Variants in ADGRL2 observed in about 807,000 individuals in gnomAD.
ADGRL2 encodes adhesion G protein-coupled receptor L2.
In ADGRL2, 44 loss-of-function variants were observed where a neutral mutation model predicts 157.4. That is an observed-to-expected ratio of 0.28 (90% confidence interval 0.22 to 0.36). The LOEUF (loss-of-function observed/expected upper bound fraction) is 0.36. Ranked by LOEUF, ADGRL2 falls within the 10% of genes least tolerant of loss-of-function variation. The pLI is 1.00. For synonymous variants in ADGRL2, 585 were observed against 624.7 expected, an observed-to-expected ratio of 0.94 and a Z score of 0.95; for missense variants, 1,510 against 1,768.9, an observed-to-expected ratio of 0.85 and a Z score of 2.63.
chr1:81,514,579 C>A (rs528321545), intron 2 of ADGRL2: 140 of 152,292 alleles, frequency 9.2e-4, no homozygotes, highest in African/African-American at 3.2e-3. Flanking sequence ...TCCTTCCAAA[C>A]ACTAGAATAT....
chr1:81,316,722 T>C (rs888050410), intron 1 of ADGRL2, among the ~76,000 whole-genome samples: 32 of 152,276 alleles, frequency 2.1e-4, no homozygotes, highest in African/African-American at 7.7e-4. Context: ...AGCTGGATGA[T>C]CATTAAATAT....
At chr1:81,476,291 A>T (rs534161284) in intron 2 of ADGRL2, among the ~76,000 whole-genome samples, 17 of 152,316 alleles carry the variant, frequency 1.1e-4, no homozygotes, top group African/African-American at 4.1e-4. Flanking sequence ...ACCTTAAAAT[A>T]CTGAGAGAAC....
chr1:81,545,670 T>C (rs2079998856), intron 2 of ADGRL2, among the ~76,000 whole-genome samples: 1 of 152,170 alleles, frequency 6.6e-6, no homozygotes, highest in African/African-American at 2.4e-5. Context: ...ATGGGGAGCT[T>C]CAGTTGTTAT....
intron 3 of ADGRL2, among the ~76,000 whole-genome samples, chr1:81,637,837 C>T (rs1414003657): frequency 6.6e-6 from 1 of 151,756 alleles, no homozygotes; most frequent in East Asian, 1.9e-4. Context: ...AACATATTAA[C>T]TTAAAATTCA....
intron 3 of ADGRL2, among the ~76,000 whole-genome samples, chr1:81,604,922 T>G (rs748586996): frequency 5.3e-5 from 8 of 152,160 alleles, no homozygotes; most frequent in Non-Finnish European, 1.2e-4. Flanking sequence ...GAGAAAGATA[T>G]TATGTTTATT....
At position 81,837,031 on chromosome 1, in the gene ADGRL2, T is replaced by A; in HGVS notation, c.47T>A (p.Val16Glu). ...ATGCGAAGTCTGTGGTTTATCATTG[T>A]AATCAGCTTCTTACCAAATACAGAA... Reference protein sequence around the residue: ...CRMRSLWFIIVISFLPNTEGF... With the variant: ...CRMRSLWFIIEISFLPNTEGF... The change falls in exon 2 of 24, where the codon GTA becomes GAA. Residue 16 changes from valine to glutamate, a missense_variant. Val to Glu is a moderately radical substitution (Grantham distance 121). Transcript: ENST00000686636. 6.3e-7 allele frequency: 1 copy of A among 1,593,112 alleles called. No individual in the cohort carries two copies. Among genetic ancestry groups the A allele is most frequent in the Non-Finnish European group, 8.5e-7 (1 of 1,170,936 alleles).
At chr1:81,624,375 G>A (rs1217908954) in intron 3 of ADGRL2, among the ~76,000 whole-genome samples, 1 of 152,018 alleles carries the variant, frequency 6.6e-6, no homozygotes, top group Non-Finnish European at 1.5e-5. Context: ...GAGGCCAGGA[G>A]TTCAAGACCA....
chr1:81,463,129 AAAAAAG>A (rs1266109372), intron 2 of ADGRL2, among the ~76,000 whole-genome samples: 1 of 147,398 alleles, frequency 6.8e-6, no homozygotes, highest in Non-Finnish European at 1.5e-5. Flanking sequence ...AAAAAAAAAA[AAAAAAG>A]AAAAAGAAAA....
At chr1:81,587,997 C>A (rs1240118865) in intron 3 of ADGRL2, among the ~76,000 whole-genome samples, 9 of 152,002 alleles carry the variant, frequency 5.9e-5, no homozygotes, top group Non-Finnish European at 1.3e-4. Context: ...AGTCAGAATC[C>A]CTAGAAGCAG....
intron 2 of ADGRL2, among the ~76,000 whole-genome samples, chr1:81,547,063 C>T (rs574079967): frequency 1.3e-5 from 2 of 152,264 alleles, no homozygotes; most frequent in African/African-American, 4.8e-5. Context: ...GGATCTTTAT[C>T]TACCGTGAAT....
intron 2 of ADGRL2, among the ~76,000 whole-genome samples, chr1:81,841,179 A>G (rs1469008655): frequency 1.3e-5 from 2 of 152,170 alleles, no homozygotes; most frequent in Non-Finnish European, 2.9e-5. Context: ...ATTACCTCAA[A>G]TTATATTGTT....
At chr1:81,627,527 A>C (rs1290582104) in intron 3 of ADGRL2, among the ~76,000 whole-genome samples, 3 of 152,142 alleles carry the variant, frequency 2.0e-5, no homozygotes, top group African/African-American at 7.2e-5. Context: ...CTTTATTTTC[A>C]TTATTTTATG....
chr1:81,969,351 T>C lies in ADGRL2; in HGVS notation c.2697T>C (p.Phe899=). 1 of 1,613,862 alleles carries C rather than the reference T, an allele frequency of 6.2e-7. No homozygotes were observed. The highest frequency in any genetic ancestry group is 2.2e-5 in the East Asian group (1 of 44,868). Reference sequence around the variant, plus strand: ...GTATCAACCTTTTCATTGCTGAATTTATTTTCCTAATAGGCATTGATAAGA... The same window carrying C: ...GTATCAACCTTTTCATTGCTGAATTCATTTTCCTAATAGGCATTGATAAGA... ...NLCINLFIAE[F]IFLIGIDKTK... The change falls in exon 15 of 24, where the codon TTT becomes TTC. Residue 899 remains phenylalanine (F), a synonymous_variant. Coordinates refer to ENST00000686636, the MANE Select transcript of ADGRL2 (RefSeq NM_001366006.2).
At chr1:81,693,212 G>A (rs113349854) in intron 3 of ADGRL2, among the ~76,000 whole-genome samples, 2,372 of 152,044 alleles carry the variant, frequency 0.016, 38 homozygotes, top group Non-Finnish European at 0.023. Flanking sequence ...GTCCCCATAC[G>A]CTTGATGCTG....
At chr1:81,383,675 A>AAG (rs1553159589) in intron 1 of ADGRL2, among the ~76,000 whole-genome samples, 6 of 151,138 alleles carry the variant, frequency 4.0e-5, no homozygotes, top group African/African-American at 1.5e-4. Context: ...AAAAAAAAAA[A>AAG]AAGAAGGCCG....
intron 1 of ADGRL2, chr1:81,414,186 G>C (rs960002817): frequency 2.6e-5 from 4 of 152,120 alleles, no homozygotes; most frequent in African/African-American, 9.7e-5. Flanking sequence ...GGGTAGAAAG[G>C]GTCCCTTTAA....
intron 3 of ADGRL2, among the ~76,000 whole-genome samples, chr1:81,680,390 C>T (rs188246313): frequency 1.8e-4 from 27 of 152,162 alleles, no homozygotes; most frequent in South Asian, 1.4e-3. Context: ...ATTTCATAGG[C>T]GGTTCAGATA....
chr1:81,411,049 GACCATTTT>G (rs1220136324), intron 1 of ADGRL2, among the ~76,000 whole-genome samples: 2 of 152,218 alleles, frequency 1.3e-5, no homozygotes, highest in East Asian at 1.9e-4. Context: ...TTCTCCAGAT[GACCATTTT>G]AGTTGCCACT....
chr1:81,595,308 C>T (rs1232325532), intron 3 of ADGRL2, among the ~76,000 whole-genome samples: 1 of 152,170 alleles, frequency 6.6e-6, no homozygotes, highest in African/African-American at 2.4e-5. Context: ...ATTTAGAGGA[C>T]AATTCTTAAC....
Sources: allele counts gnomAD v4.1 joint callset (sites outside exome capture counted in the v4.1 genomes callset), GRCh38; gene constraint gnomAD v4.1.1; transcripts MANE v1.5; gene names NCBI Gene and HGNC (gene_info 2026-07-23, HGNC 2026-07-21).